SOX5: variants seen among roughly 807,000 people sequenced by gnomAD.
The protein encoded by SOX5 is SRY-box transcription factor 5, also known as transcription factor SOX-5.
In SOX5, 9 loss-of-function variants were observed where a neutral mutation model predicts 92.0. That is an observed-to-expected ratio of 0.10 (90% CI 0.06 to 0.17). The LOEUF (loss-of-function observed/expected upper bound fraction) is 0.17, where lower values mean the gene tolerates loss of function less well. SOX5 is among the 10% of genes least tolerant of loss of function. SOX5 has a pLI of 1.00. For missense variants in SOX5, 642 were observed against 944.5 expected (o/e 0.68, Z 4.20); for synonymous variants, 344 against 336.3 (o/e 1.02, Z -0.25).
intron 3 of SOX5, among the ~76,000 whole-genome samples, chr12:23,821,690 A>T (rs1365734609): frequency 2.6e-5 from 4 of 152,198 alleles, no homozygotes; most frequent in Non-Finnish European, 5.9e-5. Context: ...CGTGGTAGAT[A>T]AGCTTTTTAA....
At chr12:23,631,868 C>T (rs2078580969) in intron 8 of SOX5, among the ~76,000 whole-genome samples, 2 of 152,106 alleles carry the variant, frequency 1.3e-5, no homozygotes, top group African/African-American at 4.8e-5. Context: ...ACTGTGTGTA[C>T]TGACTCCATT....
At chr12:23,703,929 T>C (rs1477614982) in intron 6 of SOX5, among the ~76,000 whole-genome samples, 1 of 152,002 alleles carries the variant, frequency 6.6e-6, no homozygotes, top group African/African-American at 2.4e-5. Flanking sequence ...AGTATTAGTT[T>C]AATGTATAGA....
chr12:24,225,798 A>G (rs1363080968), intron 3 of SOX5, among the ~76,000 whole-genome samples: 2 of 152,258 alleles, frequency 1.3e-5, no homozygotes, highest in Non-Finnish European at 2.9e-5. Context: ...CCCAGAATAT[A>G]TAAGAAATCA....
intron 3 of SOX5, among the ~76,000 whole-genome samples, chr12:23,799,706 A>T (rs151087573): frequency 2.0e-5 from 3 of 152,184 alleles, no homozygotes; most frequent in African/African-American, 7.2e-5. Flanking sequence ...AAAGTACACA[A>T]TAAAGAAAAT....
rs146447865 is a variant in SOX5 at position 23,918,793 on chromosome 12, T to C, written c.39-22769A>G. On this transcript the variant is annotated intron_variant, in intron 1 of 14. Transcript: ENST00000451604. ...TTAGCCAGGCGTGGTGGCACATGCC[T>C]GTAATCCCAGCTACTCAGGCGGCTG... is the stretch of plus-strand genomic sequence containing the variant. 9.3e-3 allele frequency among the ~76,000 whole-genome samples: 1,410 copies of C among 151,928 alleles called. 21 individuals are homozygous for C. The highest frequency in any genetic ancestry group is 0.032 in the African/African-American group (1,332 of 41,480).
At chr12:24,159,510 G>A (rs1013002781) in intron 4 of SOX5, among the ~76,000 whole-genome samples, 1 of 151,916 alleles carries the variant, frequency 6.6e-6, no homozygotes, top group Non-Finnish European at 1.5e-5. Flanking sequence ...AGAGTAACCT[G>A]TCACTTGGTT....
chr12:23,714,021 G>A (rs1381538316), intron 6 of SOX5, among the ~76,000 whole-genome samples: 4 of 150,962 alleles, frequency 2.6e-5, no homozygotes, highest in South Asian at 2.1e-4. Context: ...GAACCTAGGG[G>A]GCAGAGGTTG....
intron 6 of SOX5, among the ~76,000 whole-genome samples, chr12:23,695,410 C>T (rs1254926386): frequency 1.3e-5 from 2 of 152,116 alleles, no homozygotes; most frequent in African/African-American, 4.8e-5. Flanking sequence ...TTCAATTCAA[C>T]ATTAAACAGG....
intron 4 of SOX5, among the ~76,000 whole-genome samples, chr12:24,010,093 G>T (rs147659426): frequency 6.6e-6 from 1 of 152,136 alleles, no homozygotes; most frequent in African/African-American, 2.4e-5. Context: ...ATTTTCATGT[G>T]TTTCTTAGCA....
chr12:23,670,823 A>G (rs1358454308), intron 6 of SOX5, among the ~76,000 whole-genome samples: 1 of 152,032 alleles, frequency 6.6e-6, no homozygotes, highest in Non-Finnish European at 1.5e-5. Flanking sequence ...CAGACATTAA[A>G]AAGAGTGATA....
intron 3 of SOX5, among the ~76,000 whole-genome samples, chr12:23,812,019 T>C (rs1397527255): frequency 6.6e-6 from 1 of 152,096 alleles, no homozygotes; most frequent in Non-Finnish European, 1.5e-5. Context: ...GTCACTGTAG[T>C]ATAAATAAAG....
intron 8 of SOX5, among the ~76,000 whole-genome samples, chr12:23,615,730 T>C (rs2076479167): frequency 6.6e-6 from 1 of 152,230 alleles, no homozygotes; most frequent in Admixed American, 6.5e-5. Context: ...ATGCACCACA[T>C]TTATCCAATT....
At position 23,929,029 on chromosome 12, in the gene SOX5, T is replaced by TA. The variant is rs199942160; in HGVS notation, c.38+20534dup. Among the ~76,000 whole-genome samples, 288 of 151,336 alleles carry TA rather than the reference T, an allele frequency of 1.9e-3. 4 individuals carry two copies. Among genetic ancestry groups the TA allele is most frequent in the South Asian group, 9.6e-3 (46 of 4,810 alleles). ...AGTGACTGCTCTGGTAGTGTTTTTT[T>TA]AAAAAAATGCCTTCTACGAAACAAA... On this transcript the variant is annotated intron_variant, in intron 1 of 14. Coordinates refer to ENST00000451604, the MANE Select transcript of SOX5 (RefSeq NM_006940.6).
At chr12:23,639,628 C>T (rs994407301) in intron 8 of SOX5, among the ~76,000 whole-genome samples, 16 of 152,180 alleles carry the variant, frequency 1.1e-4, no homozygotes, top group African/African-American at 3.9e-4. Flanking sequence ...CTTCCCAAGA[C>T]ATTTCCAGCT....
chr12:24,423,815 G>A lies in SOX5; in HGVS notation c.-250-55176C>T, dbSNP rs77351018. 6.6e-3 allele frequency among the ~76,000 whole-genome samples: 1,002 copies of A among 152,248 alleles called. 17 individuals are homozygous for A. In the East Asian group the frequency reaches 0.074, roughly 11 times the overall value. ...ACTGAGGACAAATGGAATCACTTCC[G>A]CAGTCACAGAGGTGTCCTAGGAGGT... On this transcript the variant is annotated intron_variant, in intron 1 of 4. Transcript: ENST00000446891.
intron 4 of SOX5, among the ~76,000 whole-genome samples, chr12:24,181,731 C>T (rs559736989): frequency 6.6e-6 from 1 of 152,032 alleles, no homozygotes; most frequent in Non-Finnish European, 1.5e-5. Flanking sequence ...TATACTGAAT[C>T]CTGTGTTAAG....
At chr12:23,621,284 G>T (rs771970857) in intron 8 of SOX5, among the ~76,000 whole-genome samples, 2 of 151,992 alleles carry the variant, frequency 1.3e-5, no homozygotes, top group Non-Finnish European at 2.9e-5. Context: ...GCTTATCAGG[G>T]GATGGGGGAA....
rs201726623 is a variant in SOX5 at position 24,029,768 on chromosome 12, CTA to C, written c.-1-133746_-1-133745del. Among the ~76,000 whole-genome samples, 815 of 152,058 alleles carry C rather than the reference CTA, an allele frequency of 5.4e-3. 5 individuals carry two copies. The highest frequency in any genetic ancestry group is 0.014 in the Middle Eastern group (4 of 294). Reference sequence around the variant, plus strand: ...AGAAGAAGGAATTAGGAAAGAAGCCCTAACAAATTTCAAAATATACTAGTTTG... The same window carrying C: ...AGAAGAAGGAATTAGGAAAGAAGCCCACAAATTTCAAAATATACTAGTTTG... On this transcript the variant is annotated intron_variant, in intron 4 of 4. Transcript: ENST00000446891.
intron 3 of SOX5, among the ~76,000 whole-genome samples, chr12:24,248,048 G>C (rs796313614): frequency 3.3e-5 from 5 of 152,282 alleles, no homozygotes; most frequent in African/African-American, 1.2e-4. Context: ...AGTCTGGGTG[G>C]AGCCTTTGCG....
Sources: allele counts gnomAD v4.1 joint callset (sites outside exome capture counted in the v4.1 genomes callset), GRCh38; gene constraint gnomAD v4.1.1; transcripts MANE v1.5; gene names NCBI Gene and HGNC (gene_info 2026-07-23, HGNC 2026-07-21).